Variants in PALM2AKAP2 observed in about 807,000 individuals in gnomAD.
PALM2AKAP2 encodes PALM2-AKAP2 fusion protein.
In PALM2AKAP2, 37 loss-of-function variants were observed where a neutral mutation model predicts 71.5. The ratio of observed to expected loss-of-function variants is 0.52; its 90% CI spans 0.40 to 0.68. The LOEUF (loss-of-function observed/expected upper bound fraction) is 0.68, where lower values mean the gene tolerates loss of function less well. PALM2AKAP2 is among the 30% of genes least tolerant of loss of function. PALM2AKAP2 has a pLI of 0.00. For synonymous variants in PALM2AKAP2, 468 were observed against 478.8 expected (o/e 0.98, Z 0.29); for missense variants, 1,224 against 1,191.8 (o/e 1.03, Z -0.40).
intron 1 of PALM2AKAP2, among the ~76,000 whole-genome samples, chr9:109,833,839 T>C (rs572015515): frequency 1.3e-5 from 2 of 152,296 alleles, no homozygotes; most frequent in South Asian, 2.1e-4. Context: ...CTCTGTCCGG[T>C]TTAGGTCTTT....
intron 6 of PALM2AKAP2, among the ~76,000 whole-genome samples, chr9:109,974,199 C>T (rs1329653770): frequency 6.6e-6 from 1 of 152,242 alleles, no homozygotes; most frequent in Non-Finnish European, 1.5e-5. Context: ...GGTCACATGG[C>T]TGTTGTCAAG....
At chr9:109,857,082 G>T (rs753376341) in intron 1 of PALM2AKAP2, among the ~76,000 whole-genome samples, 4 of 152,148 alleles carry the variant, frequency 2.6e-5, no homozygotes, top group Non-Finnish European at 5.9e-5. Context: ...CCTGCCCTGA[G>T]ACTGCCTCCA....
At position 109,745,244 on chromosome 9, in the gene PALM2AKAP2, C is replaced by T. The variant is rs150435070; in HGVS notation, c.6-35244C>T. Among the ~76,000 whole-genome samples the T allele has an allele frequency of 3.3e-4, 50 of 152,178 alleles. No individual in the cohort carries two copies. The East Asian group carries it at 9.3e-3, about 28-fold the overall frequency. ...GCACAAGTCTGTCATCCTAGCTACT[C>T]AGGAGGCTGAGGCAGGAGAATTGCT... On this transcript the variant is annotated intron_variant, in intron 1 of 6. Coordinates refer to the PALM2AKAP2 transcript ENST00000374531.
intron 1 of PALM2AKAP2, among the ~76,000 whole-genome samples, chr9:109,642,844 C>CTTTT (rs11446176): frequency 7.2e-6 from 1 of 139,514 alleles, no homozygotes; most frequent in African/African-American, 2.7e-5. Flanking sequence ...CATGCCCAGT[C>CTTTT]TTTTTTTTTT....
chr9:109,673,272 C>G (rs1827602464), intron 1 of PALM2AKAP2, among the ~76,000 whole-genome samples: 1 of 152,036 alleles, frequency 6.6e-6, no homozygotes, highest in Non-Finnish European at 1.5e-5. Flanking sequence ...TTAACAATGA[C>G]TTAGCTGTGT....
chr9:109,825,606 T>G (rs1293616647), intron 1 of PALM2AKAP2, among the ~76,000 whole-genome samples: 1 of 152,176 alleles, frequency 6.6e-6, no homozygotes, highest in Non-Finnish European at 1.5e-5. Context: ...AAAAGACACA[T>G]GAAAAAATGC....
chr9:109,918,810 C>T (rs1830753292), intron 3 of PALM2AKAP2, among the ~76,000 whole-genome samples: 1 of 152,238 alleles, frequency 6.6e-6, no homozygotes, highest in Non-Finnish European at 1.5e-5. Context: ...TTGGATCTGA[C>T]ATAAACTCTC....
At chr9:109,878,929 G>A (rs922656476) in intron 2 of PALM2AKAP2, among the ~76,000 whole-genome samples, 1 of 152,118 alleles carries the variant, frequency 6.6e-6, no homozygotes, top group African/African-American at 2.4e-5. Context: ...TTGACATGGG[G>A]TTTCTCTATG....
At chr9:110,021,107 G>A (rs1049801747) in intron 7 of PALM2AKAP2, among the ~76,000 whole-genome samples, 5 of 152,134 alleles carry the variant, frequency 3.3e-5, no homozygotes, top group Non-Finnish European at 5.9e-5. Flanking sequence ...CTCTGTCTCA[G>A]AAAATAATAC....
chr9:109,981,906 A>C (rs1283435753), intron 6 of PALM2AKAP2, among the ~76,000 whole-genome samples: 2 of 152,222 alleles, frequency 1.3e-5, no homozygotes, highest in Non-Finnish European at 2.9e-5. Context: ...TCAAAAAACT[A>C]AAATTAGAGC....
chr9:109,921,814 T>C (rs1254554400), intron 3 of PALM2AKAP2, among the ~76,000 whole-genome samples: 2 of 152,206 alleles, frequency 1.3e-5, no homozygotes, highest in Admixed American at 6.5e-5. Context: ...TGGGGACTTA[T>C]AAGCTGTAGG....
chr9:110,025,630 A>T (rs544170088), intron 7 of PALM2AKAP2, among the ~76,000 whole-genome samples: 1 of 152,208 alleles, frequency 6.6e-6, no homozygotes, highest in South Asian at 2.1e-4. Flanking sequence ...TTTCCAAAGC[A>T]TCTACACCAC....
chr9:109,919,998 G>A (rs1366055093), intron 3 of PALM2AKAP2, among the ~76,000 whole-genome samples: 1 of 152,150 alleles, frequency 6.6e-6, no homozygotes, highest in African/African-American at 2.4e-5. Context: ...AACCCATAGG[G>A]CCAGGGCACA....
At chr9:110,126,211 A>G (rs1238463317) in intron 1 of PALM2AKAP2, among the ~76,000 whole-genome samples, 2 of 152,094 alleles carry the variant, frequency 1.3e-5, no homozygotes, top group East Asian at 3.8e-4. Context: ...GTTAACCACA[A>G]ATGCATCTGG....
rs115338428 is a variant in PALM2AKAP2, at chr9:110,168,888, G to C, written c.*391G>C. On this transcript the variant is annotated 3_prime_UTR_variant, in exon 4 of 4. Transcript: ENST00000374525. ...CCACTTAGAGAGCAGTAGGGCCCAGGCTGGTGCAGCCTACATGGCACAGGA... is the reference window on the plus strand; with the variant it reads ...CCACTTAGAGAGCAGTAGGGCCCAGCCTGGTGCAGCCTACATGGCACAGGA... The C allele has an allele frequency of 4.8e-3, 888 of 183,322 alleles. 10 individuals are homozygous for C. The highest frequency in any genetic ancestry group is 0.02 in the African/African-American group (837 of 42,012). 11.4% of individuals were successfully genotyped at this position (183,322 alleles called of 1,614,324 possible).
chr9:110,136,095 TA>T (rs1439841697), intron 1 of PALM2AKAP2, 31 bp from the exon 8 acceptor site: 2 of 1,533,242 alleles, frequency 1.3e-6, no homozygotes, highest in Non-Finnish European at 1.7e-6. Flanking sequence ...ATGCAGTATT[TA>T]ACCCTGACTT....
At chr9:109,912,156 A>G (rs2131897019) in intron 3 of PALM2AKAP2, among the ~76,000 whole-genome samples, 1 of 152,234 alleles carries the variant, frequency 6.6e-6, no homozygotes, top group Non-Finnish European at 1.5e-5. Flanking sequence ...GGAGCAGAAC[A>G]TGGAGGGTGT....
chr9:109,983,034 G>T (rs1031852746), intron 6 of PALM2AKAP2, among the ~76,000 whole-genome samples: 4 of 152,188 alleles, frequency 2.6e-5, no homozygotes, highest in African/African-American at 9.7e-5. Flanking sequence ...AGAAATAGAA[G>T]AGGGCACAGA....
chr9:109,662,219 G>A (rs1357418959), intron 1 of PALM2AKAP2, among the ~76,000 whole-genome samples: 1 of 152,180 alleles, frequency 6.6e-6, no homozygotes, highest in African/African-American at 2.4e-5. Context: ...TAGGAGTGGT[G>A]AGAGAGGGCA....
Sources: gnomAD v4.1 joint callset for allele counts (sites outside exome capture counted in the v4.1 genomes callset) on GRCh38, gnomAD v4.1.1 for gene constraint, MANE v1.5 for transcripts, NCBI Gene and HGNC (gene_info 2026-07-23, HGNC 2026-07-21) for gene names.